The following ALMS1 variants were observed in gnomAD, a reference collection of about 807,000 sequenced individuals.
The protein encoded by ALMS1 is centrosome-associated protein ALMS1.
In ALMS1, 271 loss-of-function variants were observed where a neutral mutation model predicts 352.2. The observed-to-expected ratio is 0.77, with a 90% CI of 0.70 to 0.85. ALMS1 has a LOEUF of 0.85. Ranked by LOEUF, ALMS1 falls within the 40% of genes least tolerant of loss-of-function variation. The pLI is 0.00. For missense variants in ALMS1, 5,445 were observed against 4,870.7 expected (o/e 1.12, Z -3.51); for synonymous variants, 1,865 against 1,761.2 (o/e 1.06, Z -1.48).
At chr2:73,405,312 G>GTTTC (rs1177276914) in intron 1 of ALMS1, among the ~76,000 whole-genome samples, 1 of 152,082 alleles carries the variant, frequency 6.6e-6, no homozygotes, top group Non-Finnish European at 1.5e-5. Context: ...CTCAGTCTTG[G>GTTTC]TAGGCTGTGT....
At chr2:73,539,128 AC>A (rs977123263) in intron 12 of ALMS1, among the ~76,000 whole-genome samples, 1 of 151,938 alleles carries the variant, frequency 6.6e-6, no homozygotes, top group Non-Finnish European at 1.5e-5. Flanking sequence ...ACTGGGAGGC[AC>A]CCCCCAGGAG....
intron 5 of ALMS1, 66 bp from the exon 6 acceptor site, chr2:73,426,387 C>T (rs941182776): frequency 3.4e-5 from 51 of 1,520,208 alleles, no homozygotes; most frequent in African/African-American, 1.1e-4. Flanking sequence ...GAAAGTCCTT[C>T]GTGTGTGGGA....
intron 1 of ALMS1, among the ~76,000 whole-genome samples, chr2:73,404,423 C>G (rs1172276527): frequency 6.7e-6 from 1 of 149,840 alleles, no homozygotes; most frequent in African/African-American, 2.5e-5. Context: ...GGACATACAG[C>G]TTTTATTATG....
intron 19 of ALMS1, 41 bp from the exon 20 acceptor site, chr2:73,602,144 T>C (rs750449191): frequency 6.3e-7 from 1 of 1,580,444 alleles, no homozygotes. Flanking sequence ...ATTGCATCAT[T>C]AATCTGAGGC....
intron 9 of ALMS1, among the ~76,000 whole-genome samples, chr2:73,459,959 C>A (rs1672151531): frequency 6.6e-6 from 1 of 152,108 alleles, no homozygotes; most frequent in Admixed American, 6.6e-5. Context: ...AGGCCTGTTT[C>A]CTTATCTATT....
intron 9 of ALMS1, among the ~76,000 whole-genome samples, chr2:73,468,186 A>T (rs943107655): frequency 3.9e-5 from 6 of 152,032 alleles, no homozygotes; most frequent in Admixed American, 3.9e-4. Flanking sequence ...AACTTTATAA[A>T]AAGCATCAAG....
intron 11 of ALMS1, among the ~76,000 whole-genome samples, chr2:73,533,162 G>A (rs1381436567): frequency 6.6e-6 from 1 of 152,238 alleles, no homozygotes; most frequent in Non-Finnish European, 1.5e-5. Flanking sequence ...CTCTCCTGGA[G>A]CAAGCTGTGC....
chr2:73,506,679 G>T (rs1014723463), intron 10 of ALMS1, among the ~76,000 whole-genome samples: 13 of 152,158 alleles, frequency 8.5e-5, no homozygotes, highest in Non-Finnish European at 1.9e-4. Flanking sequence ...GAGTTTTTGG[G>T]CTGAGATGAT....
intron 12 of ALMS1, among the ~76,000 whole-genome samples, chr2:73,537,376 T>C (rs766611826): frequency 3.3e-5 from 5 of 152,166 alleles, no homozygotes; most frequent in South Asian, 2.1e-4. Flanking sequence ...CTAGGTCTTA[T>C]CTCTGGCTGA....
chr2:73,484,456 T>C (rs2103874709), intron 9 of ALMS1, among the ~76,000 whole-genome samples: 1 of 151,864 alleles, frequency 6.6e-6, no homozygotes, highest in Middle Eastern at 3.4e-3. Context: ...GTTAGTCTGA[T>C]GGGCTTCCCT....
chr2:73,532,002 G>A (rs543329520), intron 11 of ALMS1, among the ~76,000 whole-genome samples: 2 of 152,364 alleles, frequency 1.3e-5, no homozygotes, highest in South Asian at 4.1e-4. Flanking sequence ...TGGGTACTCA[G>A]AGCCAAACCA....
intron 1 of ALMS1, among the ~76,000 whole-genome samples, chr2:73,404,919 T>TTTTTTTTTTTTTTTTTTG (rs1670943246): frequency 7.4e-6 from 1 of 135,340 alleles, no homozygotes; most frequent in African/African-American, 3.0e-5. Context: ...TTTTTTTTTT[T>TTTTTTTTTTTTTTTTTTG]TTTTTTTTTT....
At chr2:73,603,744 C>T (rs1675752871) in intron 21 of ALMS1, 1 of 223,096 alleles carries the variant, frequency 4.5e-6, no homozygotes, top group South Asian at 6.6e-5. Context: ...CCTGTAATCC[C>T]AGCTACTCAG....
intron 13 of ALMS1, 22 bp downstream of exon 13, chr2:73,550,459 A>G (rs186311199): frequency 1.4e-4 from 229 of 1,613,578 alleles, no homozygotes; most frequent in Admixed American, 5.5e-4. Context: ...GGCTTTGTAT[A>G]CTTTGTAGCT....
chr2:73,466,158 C>T (rs558254676), intron 9 of ALMS1, among the ~76,000 whole-genome samples: 1 of 152,140 alleles, frequency 6.6e-6, no homozygotes, highest in Non-Finnish European at 1.5e-5. Context: ...GATTATAAAT[C>T]GTGCTGCTAT....
chr2:73,550,090 C>A (rs1336611563), intron 12 of ALMS1, among the ~76,000 whole-genome samples, 177 bp from the exon 13 acceptor site: 2 of 152,178 alleles, frequency 1.3e-5, no homozygotes, highest in African/African-American at 4.8e-5. Context: ...GAACTCCTGA[C>A]CTCAGGCAAT....
intron 16 of ALMS1, among the ~76,000 whole-genome samples, chr2:73,597,090 C>A (rs141460349): frequency 2.0e-5 from 3 of 152,130 alleles, no homozygotes; most frequent in African/African-American, 7.2e-5. Flanking sequence ...ATATTGACTT[C>A]TGATGTCTCC....
intron 16 of ALMS1, among the ~76,000 whole-genome samples, chr2:73,578,168 T>C (rs1285703161): frequency 3.3e-5 from 5 of 152,188 alleles, no homozygotes; most frequent in Non-Finnish European, 7.4e-5. Flanking sequence ...TAATGTAAAG[T>C]CTGTTTTGTC....
intron 15 of ALMS1, among the ~76,000 whole-genome samples, chr2:73,560,713 A>C (rs1011981615): frequency 1.3e-5 from 2 of 152,384 alleles, no homozygotes; most frequent in South Asian, 4.1e-4. Flanking sequence ...AGCATGTTAC[A>C]TACATATTTG....
Sources: gnomAD v4.1 joint callset for allele counts (sites outside exome capture counted in the v4.1 genomes callset) on GRCh38, gnomAD v4.1.1 for gene constraint, MANE v1.5 for transcripts, NCBI Gene and HGNC (gene_info 2026-07-23, HGNC 2026-07-21) for gene names.